PCDH15: variants seen among roughly 807,000 people sequenced by gnomAD.
The protein encoded by PCDH15 is protocadherin-15.
In PCDH15, 129 loss-of-function variants were observed where a neutral mutation model predicts 178.5. The ratio of observed to expected loss-of-function variants is 0.72; its 90% CI spans 0.63 to 0.84. The LOEUF (loss-of-function observed/expected upper bound fraction) is 0.84, where lower values mean the gene tolerates loss of function less well. Among genes scored for constraint, PCDH15 ranks in the 40% least tolerant of loss-of-function variants. The probability of loss-of-function intolerance (pLI) is 0.00; values close to 1 mark genes in which losing one functional copy is unlikely to be tolerated. For synonymous variants in PCDH15, 800 were observed against 732.0 expected, an observed-to-expected ratio of 1.09 and a Z score of -1.50; for missense variants, 2,230 against 2,099.9, an observed-to-expected ratio of 1.06 and a Z score of -1.21.
chr10:54,974,072 C>A (rs1348414012), intron 2 of PCDH15, among the ~76,000 whole-genome samples: 1 of 151,462 alleles, frequency 6.6e-6, no homozygotes, highest in African/African-American at 2.4e-5. Context: ...CACACACACA[C>A]ACACACACAC....
At chr10:53,967,214 T>C (rs1461978945) in intron 21 of PCDH15, among the ~76,000 whole-genome samples, 1 of 152,154 alleles carries the variant, frequency 6.6e-6, no homozygotes, top group Admixed American at 6.5e-5. Context: ...CCCCTTTTGC[T>C]TGGCACTCCT....
intron 3 of PCDH15, among the ~76,000 whole-genome samples, chr10:54,882,620 A>G (rs569166677): frequency 5.8e-4 from 88 of 152,164 alleles, no homozygotes; most frequent in Admixed American, 5.7e-3. Context: ...TATATTTCAA[A>G]AACTTTCCTT....
intron 2 of PCDH15, among the ~76,000 whole-genome samples, chr10:54,536,139 C>G (rs1258457313): frequency 6.6e-6 from 1 of 152,144 alleles, no homozygotes; most frequent in Non-Finnish European, 1.5e-5. Flanking sequence ...AAGAACATAG[C>G]CTTTGAGACA....
intron 5 of PCDH15, among the ~76,000 whole-genome samples, chr10:54,347,163 A>G (rs1036450939): frequency 1.3e-5 from 2 of 152,172 alleles, no homozygotes; most frequent in Non-Finnish European, 2.9e-5. Flanking sequence ...TTATGCCCAC[A>G]AGAGAATCAC....
intron 2 of PCDH15, among the ~76,000 whole-genome samples, chr10:54,925,703 C>G (rs1837604791): frequency 6.6e-6 from 1 of 152,194 alleles, no homozygotes; most frequent in East Asian, 1.9e-4. Context: ...CTTTTTGTGG[C>G]AGTTGTGAAT....
At chr10:53,819,832 C>T (rs1047616937) in intron 33 of PCDH15, among the ~76,000 whole-genome samples, 7 of 151,878 alleles carry the variant, frequency 4.6e-5, no homozygotes, top group African/African-American at 7.2e-5. Context: ...TATAATGTAT[C>T]ATAATGACAT....
intron 15 of PCDH15, among the ~76,000 whole-genome samples, chr10:54,130,454 A>G (rs1435596311): frequency 6.6e-6 from 1 of 152,096 alleles, no homozygotes; most frequent in African/African-American, 2.4e-5. Context: ...AAATCTACCT[A>G]TAACTGACCC....
At chr10:53,917,908 C>A (rs932041763) in intron 25 of PCDH15, among the ~76,000 whole-genome samples, 3 of 151,966 alleles carry the variant, frequency 2.0e-5, no homozygotes, top group Non-Finnish European at 4.4e-5. Context: ...TGTGTGGCAC[C>A]TCCCCCTCCC....
intron 2 of PCDH15, among the ~76,000 whole-genome samples, chr10:54,610,153 A>C (rs2092912661): frequency 1.3e-5 from 2 of 151,862 alleles, no homozygotes; most frequent in Admixed American, 1.3e-4. Context: ...TGGAAGGTAA[A>C]GAGGCTTTGT....
chr10:54,162,120 A>G (rs1486739839), intron 13 of PCDH15, among the ~76,000 whole-genome samples: 1 of 152,174 alleles, frequency 6.6e-6, no homozygotes, highest in Non-Finnish European at 1.5e-5. Context: ...TTTTTCTGCT[A>G]CATTATAGAA....
At position 55,558,336 on chromosome 10, in the gene PCDH15, T is replaced by C. The variant is rs114220326; in HGVS notation, c.-156+69289A>G. Among the ~76,000 whole-genome samples, 429 of 152,260 alleles carry C rather than the reference T, an allele frequency of 2.8e-3. 4 individuals carry two copies. Among genetic ancestry groups the C allele is most frequent in the African/African-American group, 8.0e-3 (334 of 41,564 alleles). On this transcript the variant is annotated intron_variant, in intron 2 of 5. Transcript: ENST00000613346. The stretch of plus-strand genomic sequence containing the variant: ...TCTTATTTTTAAAGAAGAAATAATT[T>C]GTCTGGATTGGAATTGACTCACATG...
At chr10:55,401,121 T>TA (rs1466561595) in intron 2 of PCDH15, among the ~76,000 whole-genome samples, 2 of 152,060 alleles carry the variant, frequency 1.3e-5, no homozygotes, top group Non-Finnish European at 2.9e-5. Context: ...GTTTCTATGG[T>TA]AAAATGCATT....
chr10:53,865,006 T>C (rs2079353136), intron 27 of PCDH15, among the ~76,000 whole-genome samples: 1 of 151,720 alleles, frequency 6.6e-6, no homozygotes, highest in East Asian at 1.9e-4. Context: ...GTGGCTGAGG[T>C]GGGAGGATTG....
At chr10:54,370,526 C>A (rs1407295640) in intron 4 of PCDH15, among the ~76,000 whole-genome samples, 1 of 151,836 alleles carries the variant, frequency 6.6e-6, no homozygotes, top group Non-Finnish European at 1.5e-5. Context: ...GACAGATGAT[C>A]TGGAGTCAAA....
chr10:54,834,828 G>A (rs1249050261), intron 3 of PCDH15, among the ~76,000 whole-genome samples: 1 of 151,992 alleles, frequency 6.6e-6, no homozygotes, highest in Non-Finnish European at 1.5e-5. Flanking sequence ...TTTTAAAGTG[G>A]CAATGTTGTT....
chr10:54,647,802 T>C (rs1280849258), intron 2 of PCDH15, among the ~76,000 whole-genome samples: 1 of 152,128 alleles, frequency 6.6e-6, no homozygotes, highest in Non-Finnish European at 1.5e-5. Flanking sequence ...ATGCTATTTT[T>C]CTGTAGCCCT....
At chr10:54,197,641 A>G (rs1276301082) in intron 10 of PCDH15, among the ~76,000 whole-genome samples, 1 of 152,170 alleles carries the variant, frequency 6.6e-6, no homozygotes, top group Non-Finnish European at 1.5e-5. Context: ...TTAAAACGTG[A>G]GGAAAGAAAT....
At chr10:55,115,676 A>T (rs907647872) in intron 2 of PCDH15, among the ~76,000 whole-genome samples, 1 of 152,118 alleles carries the variant, frequency 6.6e-6, no homozygotes, top group Non-Finnish European at 1.5e-5. Context: ...GTTTCTGGGG[A>T]CTTTATAACA....
intron 4 of PCDH15, among the ~76,000 whole-genome samples, chr10:54,373,004 G>GT (rs1304529908): frequency 6.6e-6 from 1 of 151,636 alleles, no homozygotes; most frequent in Non-Finnish European, 1.5e-5. Flanking sequence ...TAAAAATTTT[G>GT]TAACTCTGAA....
Sources: gnomAD v4.1 joint callset for allele counts (sites outside exome capture counted in the v4.1 genomes callset) on GRCh38, gnomAD v4.1.1 for gene constraint, MANE v1.5 for transcripts, NCBI Gene and HGNC (gene_info 2026-07-23, HGNC 2026-07-21) for gene names.